TIAM2: variants seen among roughly 807,000 people sequenced by gnomAD.
TIAM2 encodes the protein rho guanine nucleotide exchange factor TIAM2.
TIAM2 carries 80 observed loss-of-function variants against 152.9 expected under a neutral mutation model. The observed-to-expected ratio is 0.52, with a 90% CI of 0.44 to 0.63. The LOEUF is 0.63. Ranked by LOEUF, TIAM2 falls within the 30% of genes least tolerant of loss-of-function variation. TIAM2 has a pLI of 0.00. For synonymous variants in TIAM2, 804 were observed against 838.0 expected, an observed-to-expected ratio of 0.96 and a Z score of 0.70; for missense variants, 1,965 against 2,120.1, an observed-to-expected ratio of 0.93 and a Z score of 1.44.
intron 14 of TIAM2, among the ~76,000 whole-genome samples, chr6:155,194,008 A>G (rs1356907727): frequency 6.6e-6 from 1 of 152,244 alleles, no homozygotes. Context: ...CCAGGAGTCT[A>G]CAGACCACAC....
chr6:155,026,080 A>G (rs1776596240), intron 1 of TIAM2, among the ~76,000 whole-genome samples: 2 of 152,124 alleles, frequency 1.3e-5, no homozygotes, highest in African/African-American at 4.8e-5. Context: ...TGATAATGAT[A>G]GGCTGGATTT....
At chr6:155,212,328 A>G (rs1222591857) in intron 15 of TIAM2, among the ~76,000 whole-genome samples, 1 of 152,144 alleles carries the variant, frequency 6.6e-6, no homozygotes, top group Non-Finnish European at 1.5e-5. Context: ...GGAGGCTTCT[A>G]CTTCATCCAC....
chr6:155,223,661 T>G (rs1782138914), intron 15 of TIAM2, among the ~76,000 whole-genome samples: 4 of 141,872 alleles, frequency 2.8e-5, no homozygotes, highest in African/African-American at 7.5e-5. Context: ...ACAAAATGGG[T>G]TTTTTTTTGG....
intron 15 of TIAM2, among the ~76,000 whole-genome samples, chr6:155,232,036 G>A (rs747699109): frequency 6.6e-6 from 1 of 152,174 alleles, no homozygotes; most frequent in Non-Finnish European, 1.5e-5. Flanking sequence ...AGCCGAGATC[G>A]TGCCACTGCA....
At chr6:155,238,139 ATC>A (rs1782866622) in intron 15 of TIAM2, among the ~76,000 whole-genome samples, 1 of 152,200 alleles carries the variant, frequency 6.6e-6, no homozygotes, top group Non-Finnish European at 1.5e-5. Context: ...ACCTTAAATC[ATC>A]TCTCAAGTTC....
At chr6:155,021,304 C>T (rs2114865419) in intron 1 of TIAM2, among the ~76,000 whole-genome samples, 1 of 152,262 alleles carries the variant, frequency 6.6e-6, no homozygotes, top group Admixed American at 6.5e-5. Flanking sequence ...TCTTGTCCCC[C>T]AGGCTGGAGT....
intron 4 of TIAM2, among the ~76,000 whole-genome samples, chr6:155,135,695 G>A (rs1323737343): frequency 6.6e-6 from 1 of 152,150 alleles, no homozygotes; most frequent in Non-Finnish European, 1.5e-5. Flanking sequence ...GGTCCTCACA[G>A]GGAGCAACAT....
intron 1 of TIAM2, among the ~76,000 whole-genome samples, chr6:155,074,102 A>C (rs1777902446): frequency 6.6e-6 from 1 of 152,188 alleles, no homozygotes; most frequent in South Asian, 2.1e-4. Flanking sequence ...ACCAGGTCCT[A>C]CTTCAATCAT....
chr6:155,090,032 A>G (rs1033323853), intron 1 of TIAM2, among the ~76,000 whole-genome samples: 2 of 152,056 alleles, frequency 1.3e-5, no homozygotes, highest in African/African-American at 4.8e-5. Flanking sequence ...CATCCATTCT[A>G]TCTTCAAATG....
At chr6:155,246,070 T>TG (rs1783310084) in intron 19 of TIAM2, among the ~76,000 whole-genome samples, 1 of 125,860 alleles carries the variant, frequency 7.9e-6, no homozygotes, top group African/African-American at 3.8e-5. Flanking sequence ...TGCTATGGTG[T>TG]TTTTTTTTTT....
At chr6:155,057,619 C>T (rs1429577708) in intron 1 of TIAM2, among the ~76,000 whole-genome samples, 1 of 141,632 alleles carries the variant, frequency 7.1e-6, no homozygotes, top group Non-Finnish European at 1.5e-5. Flanking sequence ...TGATCTTGCT[C>T]ACTGCAACCT....
intron 7 of TIAM2, among the ~76,000 whole-genome samples, chr6:155,157,033 C>T (rs559650693): frequency 3.3e-5 from 5 of 152,332 alleles, no homozygotes; most frequent in African/African-American, 9.6e-5. Context: ...ATGATTTCTT[C>T]GTGTGTAAGG....
intron 2 of TIAM2, among the ~76,000 whole-genome samples, chr6:155,112,653 T>C (rs1429912826): frequency 6.6e-6 from 1 of 152,168 alleles, no homozygotes; most frequent in African/African-American, 2.4e-5. Context: ...GTATTACCAC[T>C]TAAGTATCCA....
intron 1 of TIAM2, among the ~76,000 whole-genome samples, chr6:155,014,526 T>C (rs1778542083): frequency 6.6e-6 from 1 of 152,194 alleles, no homozygotes; most frequent in African/African-American, 2.4e-5. Context: ...TGAAACTCAA[T>C]CACAAGACAG....
intron 10 of TIAM2, among the ~76,000 whole-genome samples, chr6:155,177,502 C>T (rs1780785186): frequency 6.6e-6 from 1 of 152,112 alleles, no homozygotes; most frequent in Non-Finnish European, 1.5e-5. Context: ...TTAAAGAGAG[C>T]CCTCTGAGAG....
intron 21 of TIAM2, among the ~76,000 whole-genome samples, chr6:155,250,291 CTT>C (rs11320509): frequency 0.013 from 1,759 of 133,624 alleles, 27 homozygotes; most frequent in Non-Finnish European, 0.017. Flanking sequence ...TTGATTTTGC[CTT>C]TTTTTTTTTT....
At position 155,129,269 on chromosome 6, in the gene TIAM2, C is replaced by T. The variant is rs1470371910; in HGVS notation, c.46C>T (p.His16Tyr). The change falls in exon 4 of 27, where the codon CAT (histidine) becomes TAT (tyrosine). Residue 16 changes from histidine (H) to tyrosine (Y), a missense_variant. By Grantham distance (83) the His-to-Tyr change is moderately conservative (BLOSUM62 2). Coordinates refer to ENST00000682666, the MANE Select transcript of TIAM2 (RefSeq NM_012454.4). The surrounding 1 kb of genome is among the most constrained non-coding windows in gnomAD (Gnocchi z 4.8). The part of the protein sequence containing the change: ...SQYTLQGSKN[H>Y]SNTITGAKQI... ...GTACACCCTTCAAGGATCTAAAAAT[C>T]ATAGCAATACTATTACTGGTGCTAA... The T allele has an allele frequency of 6.2e-7, 1 of 1,614,040 alleles. No individual in the cohort carries two copies. Among genetic ancestry groups the T allele is most frequent in the East Asian group, 2.2e-5 (1 of 44,894 alleles).
At chr6:155,163,961 A>ATTTTTTT (rs71558240) in intron 7 of TIAM2, among the ~76,000 whole-genome samples, 2 of 144,004 alleles carry the variant, frequency 1.4e-5, no homozygotes, top group African/African-American at 2.5e-5. Context: ...GACCCAGTGC[A>ATTTTTTT]TTTTGTTTTT....
At chr6:154,997,398 C>T (rs1778234374) in intron 1 of TIAM2, among the ~76,000 whole-genome samples, 1 of 152,090 alleles carries the variant, frequency 6.6e-6, no homozygotes, top group Admixed American at 6.6e-5. Context: ...GTCATCTTGT[C>T]CAACAGGCAA....
Sources: gnomAD v4.1 joint callset for allele counts (sites outside exome capture counted in the v4.1 genomes callset) on GRCh38, gnomAD v4.1.1 for gene constraint, Gnocchi (gnomAD v3.1) non-coding constraint, MANE v1.5 for transcripts, NCBI Gene and HGNC (gene_info 2026-07-23, HGNC 2026-07-21) for gene names.